The following CSGALNACT1 variants were observed in gnomAD, a reference collection of about 807,000 sequenced individuals.
CSGALNACT1 encodes the protein chondroitin sulfate N-acetylgalactosaminyltransferase 1, also known as beta4GalNAcT-1.
CSGALNACT1 carries 52 observed loss-of-function variants against 51.0 expected under a neutral mutation model. The ratio of observed to expected loss-of-function variants is 1.02; its 90% CI spans 0.82 to 1.29. The LOEUF (loss-of-function observed/expected upper bound fraction) is 1.29, where lower values mean the gene tolerates loss of function less well. CSGALNACT1 is among the 50% of genes most tolerant of loss of function. The pLI is 0.00. For synonymous variants in CSGALNACT1, 341 were observed against 254.4 expected (o/e 1.34, Z -3.24); for missense variants, 935 against 679.2 (o/e 1.38, Z -4.19).
chr8:19,434,344 T>C (rs1410434682), intron 6 of CSGALNACT1, among the ~76,000 whole-genome samples: 1 of 152,154 alleles, frequency 6.6e-6, no homozygotes, highest in Non-Finnish European at 1.5e-5. Context: ...GCTATAAGAA[T>C]AGTATAATAA....
At chr8:19,547,028 G>C (rs546375485) in intron 3 of CSGALNACT1, among the ~76,000 whole-genome samples, 1 of 152,178 alleles carries the variant, frequency 6.6e-6, no homozygotes, top group Non-Finnish European at 1.5e-5. Context: ...CACCGTCTGA[G>C]AACTTACCAG....
Position 19,701,153 on chromosome 8 carries a change from G to GTTTTTTTTTTTT in CSGALNACT1, c.-297+56685_-297+56696dup, listed in dbSNP as rs767074945. On this transcript the variant is annotated intron_variant, in intron 1 of 1. Coordinates refer to the CSGALNACT1 transcript ENST00000517494. ...GAAAATTTCAGTTCATCTATTATCC[G>GTTTTTTTTTTTT]TTTTTTTTTTTTTTTTTTTTGATAC... Among the ~76,000 whole-genome samples the GTTTTTTTTTTTT allele has an allele frequency of 1.1e-3, 105 of 93,272 alleles. 10 individuals carry two copies. Among genetic ancestry groups the GTTTTTTTTTTTT allele is most frequent in the African/African-American group, 2.6e-3 (63 of 24,326 alleles). 61.2% of individuals were successfully genotyped at this position (93,272 alleles called of 152,430 possible).
chr8:19,618,677 G>C (rs2053409548), intron 1 of CSGALNACT1, among the ~76,000 whole-genome samples: 1 of 115,706 alleles, frequency 8.6e-6, no homozygotes, highest in South Asian at 2.9e-4. Context: ...AAGAAAGAAA[G>C]AGAAAAAAAA....
intron 1 of CSGALNACT1, chr8:19,732,577 G>C (rs1268095085): frequency 6.6e-6 from 1 of 152,180 alleles, no homozygotes; most frequent in Non-Finnish European, 1.5e-5. Flanking sequence ...CTGGCACATG[G>C]TAGTGGCTCG....
chr8:19,472,829 T>A (rs938835147), intron 4 of CSGALNACT1, among the ~76,000 whole-genome samples: 1 of 152,218 alleles, frequency 6.6e-6, no homozygotes, highest in South Asian at 2.1e-4. Flanking sequence ...TACTCATTCA[T>A]TGATATCAAT....
At chr8:19,536,810 G>C (rs957079206) in intron 3 of CSGALNACT1, among the ~76,000 whole-genome samples, 6 of 152,178 alleles carry the variant, frequency 3.9e-5, no homozygotes, top group Non-Finnish European at 7.3e-5. Context: ...CAGAGAGATA[G>C]ATATACAGAA....
chr8:19,409,770 G>A (rs1009523385), intron 8 of CSGALNACT1, among the ~76,000 whole-genome samples: 4 of 152,042 alleles, frequency 2.6e-5, no homozygotes, highest in Non-Finnish European at 2.9e-5. Context: ...AATTAGAAAC[G>A]GTACATGAGA....
chr8:19,642,941 A>C (rs969797504), intron 1 of CSGALNACT1, among the ~76,000 whole-genome samples: 1 of 152,166 alleles, frequency 6.6e-6, no homozygotes, highest in African/African-American at 2.4e-5. Flanking sequence ...ATTTCATGTA[A>C]ATAATACAGT....
At chr8:19,700,198 G>A (rs891633792) in intron 1 of CSGALNACT1, among the ~76,000 whole-genome samples, 3 of 151,718 alleles carry the variant, frequency 2.0e-5, no homozygotes, top group African/African-American at 7.3e-5. Flanking sequence ...TGTTAAGTCA[G>A]GTTTTTTTTT....
intron 3 of CSGALNACT1, among the ~76,000 whole-genome samples, chr8:19,577,509 T>G (rs184340601): frequency 9.9e-5 from 15 of 151,810 alleles, no homozygotes; most frequent in Middle Eastern, 3.4e-3. Flanking sequence ...TATAGTGATC[T>G]GCAATTGCAT....
chr8:19,494,432 A>T (rs573922665), intron 4 of CSGALNACT1, among the ~76,000 whole-genome samples: 3 of 152,172 alleles, frequency 2.0e-5, no homozygotes, highest in African/African-American at 7.2e-5. Flanking sequence ...TGTTCTGTAC[A>T]CTTGTTTAAT....
intron 1 of CSGALNACT1, among the ~76,000 whole-genome samples, chr8:19,723,595 G>A (rs888954403): frequency 2.0e-5 from 3 of 152,242 alleles, no homozygotes; most frequent in Admixed American, 2.0e-4. Flanking sequence ...ATGAAGGCAT[G>A]AAGAGGAAGG....
rs140995219 is a variant in CSGALNACT1 at position 19,442,870 on chromosome 8, G to C, written c.852-2939C>G. On this transcript the variant is annotated intron_variant, in intron 5 of 9. Coordinates refer to ENST00000454498, the Ensembl canonical transcript of CSGALNACT1. Reference sequence around the variant, plus strand: ...AGCAAAGGTCAACAGTCATTCTCCTGTTTAGGACTCTAGAGTGCCTTGGAA... The same window carrying C: ...AGCAAAGGTCAACAGTCATTCTCCTCTTTAGGACTCTAGAGTGCCTTGGAA... 3.3e-5 allele frequency among the ~76,000 whole-genome samples: 5 copies of C among 152,264 alleles called. No individual in the cohort carries two copies. In the East Asian group the frequency reaches 9.7e-4, roughly 29 times the overall value.
intron 1 of CSGALNACT1, among the ~76,000 whole-genome samples, chr8:19,631,932 CA>C (rs2055320322): frequency 6.6e-6 from 1 of 152,170 alleles, no homozygotes; most frequent in Non-Finnish European, 1.5e-5. Context: ...TGTTCTCTCA[CA>C]TTTTTTATGC....
chr8:19,444,132 A>T (rs1255888076), intron 5 of CSGALNACT1, among the ~76,000 whole-genome samples: 1 of 152,218 alleles, frequency 6.6e-6, no homozygotes, highest in Admixed American at 6.5e-5. Context: ...ACAGACCAGT[A>T]ATGGTGTGTG....
chr8:19,599,462 GAAAGAAAGAA>G (rs1283271107), intron 2 of CSGALNACT1, among the ~76,000 whole-genome samples: 4 of 92,342 alleles, frequency 4.3e-5, no homozygotes, highest in South Asian at 7.6e-4. Context: ...AGAAAAGAAA[GAAAGAAAGAA>G]AAAGAAAGAA....
chr8:19,497,375 A>G (rs1316261326), intron 4 of CSGALNACT1, among the ~76,000 whole-genome samples: 1 of 152,084 alleles, frequency 6.6e-6, no homozygotes, highest in Admixed American at 6.5e-5. Flanking sequence ...AAGGTATCTC[A>G]AAAGGGATTT....
intron 7 of CSGALNACT1, among the ~76,000 whole-genome samples, chr8:19,419,533 C>T (rs906304801): frequency 6.6e-5 from 10 of 152,194 alleles, no homozygotes; most frequent in Non-Finnish European, 1.3e-4. Flanking sequence ...TTCATCAGCT[C>T]AATAGCAGCC....
At chr8:19,493,871 T>TACACACACACACACAC (rs57708862) in intron 4 of CSGALNACT1, among the ~76,000 whole-genome samples, 1 of 149,002 alleles carries the variant, frequency 6.7e-6, no homozygotes, top group East Asian at 2.0e-4. Context: ...TGTGTGTTTA[T>TACACACACACACACAC]ACACACACAC....
Sources: gnomAD v4.1 joint callset for allele counts (sites outside exome capture counted in the v4.1 genomes callset) on GRCh38, gnomAD v4.1.1 for gene constraint, MANE v1.5 for transcripts, NCBI Gene and HGNC (gene_info 2026-07-23, HGNC 2026-07-21) for gene names.